RYR2: variants seen among roughly 807,000 people sequenced by gnomAD.
The protein encoded by RYR2 is cardiac muscle ryanodine receptor-calcium release channel.
Under a neutral mutation model 601.1 loss-of-function variants are expected in RYR2, and 227 were observed. The ratio of observed to expected loss-of-function variants is 0.38; its 90% CI spans 0.34 to 0.42. The LOEUF (loss-of-function observed/expected upper bound fraction) is 0.42, where lower values mean the gene tolerates loss of function less well. Among genes scored for constraint, RYR2 ranks in the 10% least tolerant of loss-of-function variants. RYR2 has a pLI of 1.00. For missense variants in RYR2, 4,646 were observed against 6,156.5 expected (o/e 0.75, Z 8.21); for synonymous variants, 2,223 against 2,175.1 (o/e 1.02, Z -0.61).
At chr1:237,418,384 C>T (rs939674395) in intron 11 of RYR2, among the ~76,000 whole-genome samples, 1 of 152,102 alleles carries the variant, frequency 6.6e-6, no homozygotes, top group Non-Finnish European at 1.5e-5. Context: ...GAGATTATTG[C>T]CTGTCTAATG....
chr1:237,415,670 G>A (rs11577402), intron 10 of RYR2, among the ~76,000 whole-genome samples: 46,308 of 151,986 alleles, frequency 0.3, 7,624 homozygotes, highest in East Asian at 0.43. Context: ...CCAAATAAAT[G>A]GCAAGAAGGG....
Position 237,610,117 on chromosome 1 carries a change from A to T in RYR2, c.4684-645A>T, listed in dbSNP as rs1347067756. ...CATCGGTGTTGTCAAGATCATAGAT[A>T]AATGAAGAAACTTTTGGCAAAGCAG... is the stretch of plus-strand genomic sequence containing the variant. On this transcript the variant is annotated intron_variant, in intron 35 of 104. Transcript: ENST00000366574. The surrounding 1 kb of genome is among the most constrained non-coding windows in gnomAD (Gnocchi z 4.9). Among the ~76,000 whole-genome samples, 1 of 152,242 alleles carries T rather than the reference A, an allele frequency of 6.6e-6. No homozygotes were observed. The highest frequency in any genetic ancestry group is 1.5e-5 in the Non-Finnish European group (1 of 68,046).
rs1200693864 is a variant in RYR2 at position 237,591,971 on chromosome 1, T to G, written c.4275+118T>G. On this transcript the variant is annotated intron_variant, in intron 32 of 104. Transcript: ENST00000366574. ...ACATTATTTTTAAAATGTCTGTTTCTGTTTTTGGATATATTTTGGGGACTG... is the reference window on the plus strand; with the variant it reads ...ACATTATTTTTAAAATGTCTGTTTCGGTTTTTGGATATATTTTGGGGACTG... The G allele has an allele frequency of 3.8e-6, 3 of 789,470 alleles. No individual in the cohort carries two copies. The Admixed American group carries it at 9.0e-5, about 24-fold the overall frequency. The allele number at this position is 789,470 out of a possible 1,614,324, so 48.9% of individuals were successfully genotyped here.
intron 17 of RYR2, among the ~76,000 whole-genome samples, chr1:237,470,744 A>G (rs1264676473): frequency 6.6e-6 from 1 of 152,192 alleles, no homozygotes; most frequent in African/African-American, 2.4e-5. Context: ...GTCTTGCACC[A>G]AGAAAATTAA....
At chr1:237,645,405 T>C (rs891010926) in intron 48 of RYR2, among the ~76,000 whole-genome samples, 1 of 152,218 alleles carries the variant, frequency 6.6e-6, no homozygotes, top group Non-Finnish European at 1.5e-5. Flanking sequence ...TCTGTACCTC[T>C]CTTCTAACTC....
At chr1:237,744,557 G>A (rs552873299) in intron 80 of RYR2, among the ~76,000 whole-genome samples, 73 of 152,076 alleles carry the variant, frequency 4.8e-4, no homozygotes, top group Non-Finnish European at 7.8e-4. Context: ...TGGGGAGGCC[G>A]AGGCAGGAGA....
In RYR2 at chr1:237,614,431, T is replaced by C; in HGVS notation, c.5303T>C (p.Phe1768Ser). 6.2e-7 allele frequency: 1 copy of C among 1,614,044 alleles called. No homozygotes were observed. Among genetic ancestry groups the C allele is most frequent in the Non-Finnish European group, 8.5e-7 (1 of 1,179,898 alleles). ...CGGATGCAGTTTTCCTCCCCCAGTTTTGTAAGCATTAGTAATGAATGTTAC... is the reference window on the plus strand; with the variant it reads ...CGGATGCAGTTTTCCTCCCCCAGTTCTGTAAGCATTAGTAATGAATGTTAC... ...RPRMQFSSPS[F>S]VSISNECYQY... The change falls in exon 37 of 105, where the codon TTT becomes TCT. Residue 1768 changes from phenylalanine to serine, a missense_variant. Phe to Ser is a radical substitution (Grantham distance 155, BLOSUM62 -2). This residue lies in a region of RYR2 where 1,807 missense variants were observed against 2,088.1 expected (regional missense o/e 0.87). Transcript: ENST00000366574. The surrounding 1 kb of genome is among the most constrained non-coding windows in gnomAD (Gnocchi z 4.3).
At chr1:237,237,357 G>A (rs1287944108) in intron 1 of RYR2, among the ~76,000 whole-genome samples, 1 of 152,176 alleles carries the variant, frequency 6.6e-6, no homozygotes, top group Non-Finnish European at 1.5e-5. Flanking sequence ...GAATATAAAT[G>A]AATAATAAAA....
chr1:237,237,501 A>T (rs901856680), intron 1 of RYR2, among the ~76,000 whole-genome samples: 10 of 152,292 alleles, frequency 6.6e-5, no homozygotes, highest in African/African-American at 1.9e-4. Context: ...TTTGGAATTC[A>T]GGCACAATTG....
At position 237,614,001 on chromosome 1, in the gene RYR2, C is replaced by A. The variant is rs1678188455; in HGVS notation, c.4911-38C>A. The A allele has an allele frequency of 6.5e-7, 1 of 1,549,866 alleles. No individual in the cohort carries two copies. Among genetic ancestry groups the A allele is most frequent in the Admixed American group, 1.8e-5 (1 of 54,164 alleles). On this transcript the variant is annotated intron_variant, in intron 36 of 104. Coordinates refer to ENST00000366574, the MANE Select transcript of RYR2 (RefSeq NM_001035.3). This position sits in a 1 kb window ranked among gnomAD's most constrained non-coding sequence, Gnocchi z 4.3. ...CTGATTCAGATTTTAAAAAATCATT[C>A]ATTTCTAATCTTACTACCACTCTCC...
intron 1 of RYR2, among the ~76,000 whole-genome samples, chr1:237,236,236 C>T (rs952490106): frequency 3.3e-5 from 5 of 152,318 alleles, no homozygotes; most frequent in Non-Finnish European, 7.3e-5. Flanking sequence ...TGCATTGGCT[C>T]ACCTCTCCTT....
intron 10 of RYR2, among the ~76,000 whole-genome samples, chr1:237,391,669 T>C (rs1445011276): frequency 6.6e-6 from 1 of 152,106 alleles, no homozygotes; most frequent in African/African-American, 2.4e-5. Flanking sequence ...CTATTGAAAA[T>C]CCACCTCAAT....
chr1:237,629,917 G>T (rs1048772986), intron 41 of RYR2, among the ~76,000 whole-genome samples: 16 of 152,116 alleles, frequency 1.1e-4, no homozygotes, highest in African/African-American at 3.9e-4. Context: ...ATGGGACAGA[G>T]AGGGAAAGCA....
Position 237,650,949 on chromosome 1 carries a change from G to A in RYR2, c.7734-462G>A, listed in dbSNP as rs535819173. 4.8e-4 allele frequency among the ~76,000 whole-genome samples: 73 copies of A among 152,342 alleles called. No homozygotes were observed. The South Asian group carries it at 0.014, about 30-fold the overall frequency. On this transcript the variant is annotated intron_variant, in intron 50 of 104. Transcript: ENST00000366574. ...ACACTTGCTGTTGCCTGACACAGTA[G>A]ATGTTCACTGTGTACATTTTCTCTC...
chr1:237,730,276 C>G lies in RYR2; in HGVS notation c.10855C>G (p.Leu3619Val). Residue 3619 changes from leucine to valine, a missense_variant, in exon 77 of 105, where the codon CTC becomes GTC. Coordinates refer to ENST00000366574, the MANE Select transcript of RYR2 (RefSeq NM_001035.3). The part of the protein sequence containing the change: ...YNLPRHRAVN[L>V]FLQGYEKSWI... The stretch of plus-strand genomic sequence containing the variant: ...ACCTTTCAGGCATCGGGCTGTCAAT[C>G]TCTTTCTTCAGGGATATGAAAAGTC... The G allele has an allele frequency of 6.2e-7, 1 of 1,604,564 alleles. No homozygotes were observed. Among genetic ancestry groups the G allele is most frequent in the Non-Finnish European group, 8.5e-7 (1 of 1,171,516 alleles).
At position 237,819,021 on chromosome 1, in the gene RYR2, A is replaced by G. The variant is rs1414554358; in HGVS notation, c.14434-15A>G. 1.7e-5 allele frequency: 27 copies of G among 1,601,740 alleles called. No individual in the cohort carries two copies. Among genetic ancestry groups the G allele is most frequent in the Non-Finnish European group, 2.3e-5 (27 of 1,170,808 alleles). ...TAATGTCCCTCCAAGAAGTGATACC[A>G]TGTCTTTTTTCCAGTGCTATATGTT... On this transcript the variant is annotated splice_polypyrimidine_tract_variant and intron_variant, in intron 100 of 104. Coordinates refer to ENST00000366574, the MANE Select transcript of RYR2 (RefSeq NM_001035.3). This position sits in a 1 kb window ranked among gnomAD's most constrained non-coding sequence, Gnocchi z 4.0.
At chr1:237,502,763 G>A (rs996900399) in intron 21 of RYR2, among the ~76,000 whole-genome samples, 2 of 151,688 alleles carry the variant, frequency 1.3e-5, no homozygotes, top group Non-Finnish European at 2.9e-5. Context: ...GGGGGTTGGG[G>A]CCCCTGCTTC....
chr1:237,141,726 C>G (rs1673412522), intron 1 of RYR2, among the ~76,000 whole-genome samples: 1 of 152,164 alleles, frequency 6.6e-6, no homozygotes, highest in South Asian at 2.1e-4. Context: ...TGCTTTTAAG[C>G]TAATTTTCTG....
rs747148516 is a variant in RYR2 at position 237,593,628 on chromosome 1, G to A, written c.4428G>A (p.Val1476=). Residue 1476 remains valine, a synonymous_variant, in exon 33 of 105, where the codon GTG becomes GTA. Coordinates refer to ENST00000366574, the MANE Select transcript of RYR2 (RefSeq NM_001035.3). ...CTCTAGGAGATGAAAAAGGAAAAGT[G>A]CATGAAAGGTTAGTTTTCCTCAATT... ...TVTLGDEKGK[V]HESIKRSNCY... is the part of the protein sequence containing the mutation. The A allele has an allele frequency of 1.5e-5, 24 of 1,613,626 alleles. No homozygotes were observed. The highest frequency in any genetic ancestry group is 4.4e-5 in the South Asian group (4 of 91,056).
Sources: allele counts gnomAD v4.1 joint callset (sites outside exome capture counted in the v4.1 genomes callset), GRCh38; gene constraint gnomAD v4.1.1; regional missense constraint gnomAD v4.1.1; non-coding constraint Gnocchi (gnomAD v3.1); transcripts MANE v1.5; gene names NCBI Gene and HGNC (gene_info 2026-07-23, HGNC 2026-07-21).